LRP6: variants seen among roughly 807,000 people sequenced by gnomAD.
LRP6 encodes low-density lipoprotein receptor-related protein 6.
LRP6 carries 43 observed loss-of-function variants against 184.1 expected under a neutral mutation model. That is an observed-to-expected ratio of 0.23 (90% CI 0.18 to 0.30). LRP6 has a LOEUF of 0.30. Among genes scored for constraint, LRP6 ranks in the 10% least tolerant of loss-of-function variants. The pLI is 1.00. For synonymous variants in LRP6, 719 were observed against 684.9 expected (o/e 1.05, Z -0.78); for missense variants, 1,571 against 2,005.3 (o/e 0.78, Z 4.14).
At chr12:12,235,740 A>G (rs1278276191) in intron 2 of LRP6, among the ~76,000 whole-genome samples, 1 of 151,996 alleles carries the variant, frequency 6.6e-6, no homozygotes, top group Non-Finnish European at 1.5e-5. Flanking sequence ...CAAAAAAAAA[A>G]AGAAAAAGAA....
intron 4 of LRP6, among the ~76,000 whole-genome samples, chr12:12,184,949 C>T (rs1261914551): frequency 7.2e-5 from 11 of 152,048 alleles, no homozygotes; most frequent in Admixed American, 7.2e-4. Context: ...TGAAAGATAA[C>T]TGCAAATTCT....
At chr12:12,234,608 G>A (rs61671752) in intron 2 of LRP6, among the ~76,000 whole-genome samples, 1 of 152,220 alleles carries the variant, frequency 6.6e-6, no homozygotes, top group African/African-American at 2.4e-5. Flanking sequence ...TGAGGTGGGT[G>A]AATCACGAGG....
In LRP6 at chr12:12,135,439, T is replaced by A. The variant is rs1318812942; in HGVS notation, c.3608-139A>T. The A allele has an allele frequency of 5.3e-5, 25 of 467,512 alleles. No individual in the cohort carries two copies. In the East Asian group the frequency reaches 7.7e-4, roughly 14 times the overall value. The allele number at this position is 467,512 out of a possible 1,614,324, so 29.0% of individuals were successfully genotyped here. A position where few individuals can be genotyped will look rare whatever the true frequency, so the allele number is the denominator to read the frequency against. On this transcript the variant is annotated intron_variant, in intron 16 of 22. Transcript: ENST00000261349. The stretch of plus-strand genomic sequence containing the variant: ...ATAATCAGCTTGGACTCTTTTTTTT[T>A]ACTTTTATTATTATTATTATGGACT...
chr12:12,220,365 T>A (rs1178293037), intron 2 of LRP6, among the ~76,000 whole-genome samples: 1 of 152,156 alleles, frequency 6.6e-6, no homozygotes, highest in Non-Finnish European at 1.5e-5. Context: ...ATCTGTCACC[T>A]TATGTCAGAG....
chr12:12,262,360 C>T (rs1865636229), intron 1 of LRP6, among the ~76,000 whole-genome samples: 1 of 152,132 alleles, frequency 6.6e-6, no homozygotes, highest in East Asian at 1.9e-4. Flanking sequence ...GCCTGGGCGA[C>T]AGGGTGAGAT....
chr12:12,203,416 ATAAT>A lies in LRP6; in HGVS notation c.450-20_450-17del. ...GTACATGAACCTAAAAATCATAAAA[ATAAT>A]TAAAGCCATGACAGAGCAGATATCA... is the stretch of plus-strand genomic sequence containing the variant. On this transcript the variant is annotated splice_polypyrimidine_tract_variant and intron_variant, in intron 2 of 22. Coordinates refer to ENST00000261349, the MANE Select transcript of LRP6 (RefSeq NM_002336.3). 1 of 1,587,906 alleles carries A rather than the reference ATAAT, an allele frequency of 6.3e-7. No homozygotes were observed. The highest frequency in any genetic ancestry group is 8.6e-7 in the Non-Finnish European group (1 of 1,156,124).
intron 22 of LRP6, 111 bp from the exon 23 acceptor site, chr12:12,121,531 C>A: frequency 2.0e-6 from 2 of 1,017,304 alleles, no homozygotes; most frequent in South Asian, 1.4e-5. Flanking sequence ...CAATAAGCTA[C>A]TGCAATTTAA....
chr12:12,145,834 G>C (rs1949999721), intron 15 of LRP6, among the ~76,000 whole-genome samples: 1 of 151,768 alleles, frequency 6.6e-6, no homozygotes, highest in Non-Finnish European at 1.5e-5. Flanking sequence ...ATTTTGCCAT[G>C]TTGGCCAGGC....
At chr12:12,223,176 GAA>G (rs35090683) in intron 2 of LRP6, among the ~76,000 whole-genome samples, 1 of 115,196 alleles carries the variant, frequency 8.7e-6, no homozygotes, top group African/African-American at 3.7e-5. Flanking sequence ...CATTTCATCA[GAA>G]AAAAAAAAAA....
intron 7 of LRP6, among the ~76,000 whole-genome samples, chr12:12,166,553 T>A (rs1233381878): frequency 1.3e-5 from 2 of 152,244 alleles, no homozygotes; most frequent in African/African-American, 4.8e-5. Context: ...TTTTGCATTA[T>A]CTTACATTTA....
chr12:12,211,334 T>C (rs61920854), intron 2 of LRP6, among the ~76,000 whole-genome samples: 128,875 of 151,480 alleles, frequency 0.85, 55,008 homozygotes, highest in East Asian at 0.95. Flanking sequence ...CACAGCTACT[T>C]GGGAGGCTGA....
At chr12:12,166,885 C>T (rs1325445984) in intron 7 of LRP6, among the ~76,000 whole-genome samples, 1 of 152,144 alleles carries the variant, frequency 6.6e-6, no homozygotes, top group African/African-American at 2.4e-5. Flanking sequence ...AGCACTTAAG[C>T]CTTGGGTTTC....
chr12:12,177,141 C>T (rs990941208), intron 7 of LRP6, among the ~76,000 whole-genome samples: 7 of 152,088 alleles, frequency 4.6e-5, no homozygotes, highest in South Asian at 2.1e-4. Context: ...CCACCGCGCC[C>T]GGCCAACCAA....
chr12:12,220,755 C>T (rs572998525), intron 2 of LRP6, among the ~76,000 whole-genome samples: 1 of 152,146 alleles, frequency 6.6e-6, no homozygotes, highest in Admixed American at 6.5e-5. Flanking sequence ...TGCGCCACCA[C>T]ACCCGGTTAA....
chr12:12,202,947 G>A (rs1863954365), intron 3 of LRP6, among the ~76,000 whole-genome samples: 1 of 152,160 alleles, frequency 6.6e-6, no homozygotes, highest in African/African-American at 2.4e-5. Flanking sequence ...ACCCCTGGTG[G>A]AGAACCACTG....
At chr12:12,124,486 AT>A (rs1949646005) in intron 22 of LRP6, 78 bp downstream of exon 22, 3 of 971,596 alleles carry the variant, frequency 3.1e-6, no homozygotes, top group South Asian at 2.6e-5. Context: ...TCGTCTACTC[AT>A]TTGGGGCTAT....
chr12:12,139,064 G>T, intron 15 of LRP6: 1 of 1,220,210 alleles, frequency 8.2e-7, no homozygotes, highest in African/African-American at 1.6e-5. Flanking sequence ...CAGTGAGAAA[G>T]TTCTTTTATA....
chr12:12,264,237 A>C (rs1865700059), intron 1 of LRP6, among the ~76,000 whole-genome samples: 1 of 152,188 alleles, frequency 6.6e-6, no homozygotes. Flanking sequence ...ATTATAGCAA[A>C]AAGTAACATT....
At position 12,202,798 on chromosome 12, in the gene LRP6, T is replaced by C. The variant is rs139657892; in HGVS notation, c.647+405A>G. Among the ~76,000 whole-genome samples, 222 of 152,330 alleles carry C rather than the reference T, an allele frequency of 1.5e-3. 1 individual carries two copies. The highest frequency in any genetic ancestry group is 4.9e-3 in the African/African-American group (202 of 41,572). On this transcript the variant is annotated intron_variant, in intron 3 of 22. Transcript: ENST00000261349. ...TTGAGTGGGACACTCTTTGTTGTAC[T>C]GATGCCCAGCACACTGCAGGATGTT...
Sources: gnomAD v4.1 joint callset for allele counts (sites outside exome capture counted in the v4.1 genomes callset) on GRCh38, gnomAD v4.1.1 for gene constraint, MANE v1.5 for transcripts, NCBI Gene and HGNC (gene_info 2026-07-23, HGNC 2026-07-21) for gene names.